The following CPNE4 variants were observed in gnomAD, a reference collection of about 807,000 sequenced individuals.
CPNE4 encodes the protein copine-4.
CPNE4 carries 25 observed loss-of-function variants against 67.9 expected under a neutral mutation model. The ratio of observed to expected loss-of-function variants is 0.37; its 90% CI spans 0.27 to 0.51. The LOEUF is 0.51. Among genes scored for constraint, CPNE4 ranks in the 20% least tolerant of loss-of-function variants. The pLI, the probability that CPNE4 is intolerant of heterozygous loss-of-function variation, is 0.93. For synonymous variants in CPNE4, 242 were observed against 244.9 expected, an observed-to-expected ratio of 0.99 and a Z score of 0.11; for missense variants, 464 against 690.8, an observed-to-expected ratio of 0.67 and a Z score of 3.68.
At chr3:131,912,880 T>C (rs568621463) in intron 1 of CPNE4, among the ~76,000 whole-genome samples, 26 of 152,280 alleles carry the variant, frequency 1.7e-4, no homozygotes, top group Middle Eastern at 3.4e-3. Context: ...CCAGATGTTG[T>C]TGATCCTGCT....
At chr3:131,688,855 TTCTG>T (rs3039213) in intron 5 of CPNE4, among the ~76,000 whole-genome samples, 108,250 of 151,654 alleles carry the variant, frequency 0.71, 40,311 homozygotes, top group Middle Eastern at 0.88. Flanking sequence ...ACATATACTT[TTCTG>T]TCTTTCTTTT....
chr3:131,554,507 A>T (rs1327714640), intron 12 of CPNE4, among the ~76,000 whole-genome samples: 1 of 152,114 alleles, frequency 6.6e-6, no homozygotes, highest in African/African-American at 2.4e-5. Flanking sequence ...AGCTATGCCC[A>T]GCAGAAAGGC....
chr3:132,035,142 G>A, upstream of CPNE4: 1 of 848,340 alleles, frequency 1.2e-6, no homozygotes, highest in Non-Finnish European at 1.4e-6. Flanking sequence ...CCCAGGCCTT[G>A]GCGGCGGCGC....
chr3:131,995,265 T>G (rs2073262407), intron 1 of CPNE4, among the ~76,000 whole-genome samples: 1 of 152,182 alleles, frequency 6.6e-6, no homozygotes, highest in Non-Finnish European at 1.5e-5. Context: ...TTTCATGGGT[T>G]GAGCCAGGAC....
Position 131,587,598 on chromosome 3 carries a change from A to AT in CPNE4, c.682-17dup, listed in dbSNP as rs759836256. ...ATACTATGCACTGTAAGAGAAAACA[A>AT]TGATCTTTCTTAAAAAATTAAGAAT... On this transcript the variant is annotated splice_polypyrimidine_tract_variant and intron_variant, in intron 7 of 15. Coordinates refer to ENST00000429747, the MANE Select transcript of CPNE4 (RefSeq NM_130808.3). 41 of 1,571,122 alleles carry AT rather than the reference A, an allele frequency of 2.6e-5. 1 individual carries two copies. The Admixed American group carries it at 3.2e-4, about 12-fold the overall frequency.
intron 2 of CPNE4, among the ~76,000 whole-genome samples, chr3:131,812,375 A>G (rs1002364732): frequency 5.9e-5 from 9 of 151,962 alleles, no homozygotes; most frequent in Non-Finnish European, 1.0e-4. Flanking sequence ...AAAAAGTCAA[A>G]GACAAATATT....
intron 2 of CPNE4, among the ~76,000 whole-genome samples, chr3:131,817,024 G>C (rs902673832): frequency 2.6e-5 from 4 of 152,212 alleles, no homozygotes; most frequent in Non-Finnish European, 5.9e-5. Flanking sequence ...TCTTCAGGAA[G>C]AAGTGTTTCT....
chr3:131,555,602 A>G, intron 11 of CPNE4, 51 bp from the exon 12 acceptor site: 1 of 1,508,290 alleles, frequency 6.6e-7, no homozygotes, highest in Non-Finnish European at 9.2e-7. Flanking sequence ...TCATTTATTC[A>G]TTTAATGAGA....
At chr3:131,574,489 A>G (rs1382831493) in intron 10 of CPNE4, among the ~76,000 whole-genome samples, 4 of 152,110 alleles carry the variant, frequency 2.6e-5, no homozygotes, top group Admixed American at 2.0e-4. Flanking sequence ...CACAAATTAC[A>G]TACAGGGGAT....
chr3:131,537,186 A>G (rs914886218), intron 15 of CPNE4, among the ~76,000 whole-genome samples: 5 of 152,038 alleles, frequency 3.3e-5, no homozygotes, highest in Non-Finnish European at 5.9e-5. Context: ...AGTATTAAAT[A>G]TGAAATATTA....
intron 1 of CPNE4, among the ~76,000 whole-genome samples, chr3:132,017,239 G>T (rs1009564005): frequency 6.6e-6 from 1 of 151,966 alleles, no homozygotes. Flanking sequence ...AAGAAAAGAC[G>T]AAAGGAAATG....
rs372391600 is a variant in CPNE4, at chr3:131,913,926, G to A, written c.-1-8482C>T. On this transcript the variant is annotated intron_variant, in intron 1 of 15. Transcript: ENST00000429747. ...AATCCACATAAAAGTCTTCAGAGGA[G>A]TATCTGGGCCATAATGAGCACTCAA... Among the ~76,000 whole-genome samples, 10 of 152,330 alleles carry A rather than the reference G, an allele frequency of 6.6e-5. No homozygotes were observed. In the East Asian group the frequency reaches 1.9e-3, roughly 29 times the overall value.
intron 1 of CPNE4, among the ~76,000 whole-genome samples, chr3:131,955,860 G>GGA (rs1408139711): frequency 1.3e-5 from 2 of 151,994 alleles, no homozygotes; most frequent in African/African-American, 4.8e-5. Context: ...ATCACTGCTT[G>GGA]GATTTATACC....
chr3:131,581,885 G>C (rs1937861177), intron 8 of CPNE4, among the ~76,000 whole-genome samples: 1 of 152,148 alleles, frequency 6.6e-6, no homozygotes, highest in Non-Finnish European at 1.5e-5. Context: ...CCGCTTCCCT[G>C]CTTATGTGAC....
rs1404499991 is a variant in CPNE4, at chr3:131,697,910, A to C, written c.433-1294T>G. ...TTAAAGCCAATGTTTTGATCTAAAGACTCAAAGTTGAGGAGCATTTAAATA... is the reference window on the plus strand; with the variant it reads ...TTAAAGCCAATGTTTTGATCTAAAGCCTCAAAGTTGAGGAGCATTTAAATA... On this transcript the variant is annotated intron_variant, in intron 4 of 15. Transcript: ENST00000429747. Among the ~76,000 whole-genome samples the C allele has an allele frequency of 3.3e-5, 5 of 152,240 alleles. No homozygotes were observed. In the East Asian group the frequency reaches 9.7e-4, roughly 29 times the overall value.
Position 131,965,777 on chromosome 3 carries a change from GA to G in CPNE4, c.-1-60334del, listed in dbSNP as rs578206554. ...TTAGACTCCCACAAAATAGTAGTGG[GA>G]GACTTTAACACCCCACTGTCACTAT... On this transcript the variant is annotated intron_variant, in intron 1 of 15. Coordinates refer to ENST00000429747, the MANE Select transcript of CPNE4 (RefSeq NM_130808.3). Among the ~76,000 whole-genome samples, 1,004 of 152,240 alleles carry G rather than the reference GA, an allele frequency of 6.6e-3. 11 individuals are homozygous for G. Among genetic ancestry groups the G allele is most frequent in the African/African-American group, 0.023 (941 of 41,524 alleles).
chr3:131,808,184 T>C (rs2084390334), intron 2 of CPNE4, among the ~76,000 whole-genome samples: 1 of 152,164 alleles, frequency 6.6e-6, no homozygotes, highest in Non-Finnish European at 1.5e-5. Flanking sequence ...GGAATGTCCA[T>C]CATTCAATCA....
intron 7 of CPNE4, among the ~76,000 whole-genome samples, chr3:131,599,737 G>C (rs1002142249): frequency 6.6e-6 from 1 of 152,150 alleles, no homozygotes; most frequent in Non-Finnish European, 1.5e-5. Flanking sequence ...CTAAGGTGAG[G>C]TGAAAGTATG....
intron 2 of CPNE4, among the ~76,000 whole-genome samples, chr3:131,900,949 A>G (rs542738228): frequency 2.0e-5 from 3 of 152,120 alleles, no homozygotes; most frequent in Non-Finnish European, 4.4e-5. Flanking sequence ...AAAGATCTCA[A>G]TGATTGTGTA....
Sources: gnomAD v4.1 joint callset for allele counts (sites outside exome capture counted in the v4.1 genomes callset) on GRCh38, gnomAD v4.1.1 for gene constraint, MANE v1.5 for transcripts, NCBI Gene and HGNC (gene_info 2026-07-23, HGNC 2026-07-21) for gene names.